Variants in DPH6 observed in about 807,000 individuals in gnomAD.
DPH6 encodes the protein diphthamine biosynthesis 6, also known as diphthine--ammonia ligase.
In DPH6, 33 loss-of-function variants were observed where a neutral mutation model predicts 38.2. The observed-to-expected ratio is 0.86, with a 90% CI of 0.65 to 1.15. The LOEUF is 1.15. Ranked by LOEUF, DPH6 falls within the 50% of genes most tolerant of loss-of-function variation. The probability of loss-of-function intolerance (pLI) is 0.00; values close to 1 mark genes in which losing one functional copy is unlikely to be tolerated. For synonymous variants in DPH6, 108 were observed against 103.0 expected, an observed-to-expected ratio of 1.05 and a Z score of -0.30; for missense variants, 325 against 320.0, an observed-to-expected ratio of 1.02 and a Z score of -0.12.
intron 7 of DPH6, among the ~76,000 whole-genome samples, chr15:35,378,737 A>G (rs2052817302): frequency 6.6e-6 from 1 of 151,460 alleles, no homozygotes; most frequent in Non-Finnish European, 1.5e-5. Flanking sequence ...AGAAAACCAA[A>G]CACTGCATGT....
rs73378741 is a variant in DPH6 at position 35,407,154 on chromosome 15, A to G, written c.567+3681T>C. The stretch of plus-strand genomic sequence containing the variant: ...GTATTGAGAAACTAGAAGATTACAT[A>G]CTATATTAATGTGACAGAATTACCT... On this transcript the variant is annotated intron_variant, in intron 6 of 8. Transcript: ENST00000256538. 5.2e-3 allele frequency among the ~76,000 whole-genome samples: 793 copies of G among 152,158 alleles called. 5 individuals are homozygous for G. The highest frequency in any genetic ancestry group is 0.018 in the African/African-American group (740 of 41,552).
intron 3 of DPH6, among the ~76,000 whole-genome samples, chr15:35,325,287 A>C (rs1264606775): frequency 6.6e-6 from 1 of 152,214 alleles, no homozygotes; most frequent in African/African-American, 2.4e-5. Context: ...ATTCTAATGA[A>C]CAAAGCTGGA....
intron 5 of DPH6, among the ~76,000 whole-genome samples, chr15:35,419,095 A>T (rs897482535): frequency 5.3e-5 from 8 of 151,150 alleles, no homozygotes; most frequent in East Asian, 1.9e-4. Flanking sequence ...ACACACACAC[A>T]CTCTTGAAAT....
intron 3 of DPH6, among the ~76,000 whole-genome samples, chr15:35,290,004 T>C (rs1229490329): frequency 1.3e-5 from 2 of 152,198 alleles, no homozygotes; most frequent in African/African-American, 2.4e-5. Flanking sequence ...GAAATTGTTA[T>C]GCATACTCAA....
the DPH6 span, among the ~76,000 whole-genome samples, chr15:35,175,994 T>G: frequency 6.6e-6 from 1 of 152,364 alleles, no homozygotes; most frequent in Non-Finnish European, 1.5e-5. Context: ...TGTCTGAGGT[T>G]GTTAAATCAG....
At chr15:35,494,509 C>T (rs1189649743) in intron 3 of DPH6, among the ~76,000 whole-genome samples, 1 of 152,080 alleles carries the variant, frequency 6.6e-6, no homozygotes, top group Admixed American at 6.6e-5. Flanking sequence ...TGACTATAAA[C>T]ACCTGGATCT....
intron 3 of DPH6, among the ~76,000 whole-genome samples, chr15:35,523,862 T>C (rs1036680270): frequency 6.6e-6 from 1 of 151,984 alleles, no homozygotes; most frequent in Admixed American, 6.6e-5. Flanking sequence ...CCTCCACCCA[T>C]CCAAATCAAT....
intron 3 of DPH6, among the ~76,000 whole-genome samples, chr15:35,286,062 G>A (rs534664624): frequency 2.6e-5 from 4 of 151,692 alleles, no homozygotes; most frequent in East Asian, 3.9e-4. Flanking sequence ...AAAGCAGAAT[G>A]GAAAACAAAT....
intron 7 of DPH6, among the ~76,000 whole-genome samples, chr15:35,377,109 A>G (rs1468800201): frequency 6.6e-6 from 1 of 152,220 alleles, no homozygotes; most frequent in Non-Finnish European, 1.5e-5. Flanking sequence ...AAATTTAAAT[A>G]AATTCTCAGA....
At chr15:35,539,699 C>G (rs952167419) in intron 2 of DPH6, among the ~76,000 whole-genome samples, 1 of 151,910 alleles carries the variant, frequency 6.6e-6, no homozygotes. Flanking sequence ...TTGACATATA[C>G]CTATGTGTGT....
At chr15:35,517,110 C>A (rs2054858194) in intron 3 of DPH6, among the ~76,000 whole-genome samples, 1 of 151,832 alleles carries the variant, frequency 6.6e-6, no homozygotes, top group Non-Finnish European at 1.5e-5. Context: ...CTGTTTCATT[C>A]AGCAGCAGTA....
At chr15:35,229,547 G>A (rs1366941082) in intron 3 of DPH6, among the ~76,000 whole-genome samples, 2 of 152,032 alleles carry the variant, frequency 1.3e-5, no homozygotes, top group African/African-American at 4.8e-5. Context: ...GATTCCTGGT[G>A]TTTTATTTAG....
chr15:35,270,738 G>C (rs1028473475), intron 3 of DPH6, among the ~76,000 whole-genome samples: 1 of 152,162 alleles, frequency 6.6e-6, no homozygotes, highest in Non-Finnish European at 1.5e-5. Context: ...TTCCTAGAAG[G>C]ATCTAGTCCA....
chr15:35,382,442 A>G (rs957114084), intron 6 of DPH6, among the ~76,000 whole-genome samples: 1 of 138,520 alleles, frequency 7.2e-6, no homozygotes, highest in Admixed American at 7.2e-5. Context: ...AATAAAAACG[A>G]AAAACAAAAC....
the DPH6 span, among the ~76,000 whole-genome samples, chr15:35,183,713 A>C: frequency 6.6e-6 from 1 of 152,236 alleles, no homozygotes; most frequent in South Asian, 2.1e-4. Flanking sequence ...GTAAGGATCA[A>C]AGTGATACAC....
the DPH6 span, among the ~76,000 whole-genome samples, chr15:35,158,453 T>A: frequency 2.0e-5 from 3 of 152,104 alleles, no homozygotes; most frequent in Non-Finnish European, 4.4e-5. Flanking sequence ...AATAAGGTAT[T>A]TTTCTAAACA....
chr15:35,313,269 G>T (rs943496015), intron 3 of DPH6, among the ~76,000 whole-genome samples: 51 of 150,912 alleles, frequency 3.4e-4, no homozygotes, highest in African/African-American at 1.2e-3. Context: ...ATCAGGTAGT[G>T]TAATGTCTCT....
chr15:35,509,457 A>C (rs967015998), intron 3 of DPH6, among the ~76,000 whole-genome samples: 6 of 152,222 alleles, frequency 3.9e-5, no homozygotes, highest in African/African-American at 1.4e-4. Context: ...ACAGCACTGC[A>C]CATTTCTTAA....
chr15:35,522,378 G>T lies in DPH6; in HGVS notation c.312+15896C>A, dbSNP rs1595440599. ...ACCATCTTTCACCACCAGTCAGGCT[G>T]TCTCTGCTTATTCAGTATTAATACA... On this transcript the variant is annotated intron_variant, in intron 3 of 8. Coordinates refer to ENST00000256538, the MANE Select transcript of DPH6 (RefSeq NM_080650.4). 5.8e-6 allele frequency: 7 copies of T among 1,212,400 alleles called. No individual in the cohort carries two copies. In the East Asian group the frequency reaches 1.8e-4, roughly 30 times the overall value. 75.1% of individuals were successfully genotyped at this position (1,212,400 alleles called of 1,614,324 possible).
Sources: allele counts gnomAD v4.1 joint callset (sites outside exome capture counted in the v4.1 genomes callset), GRCh38; gene constraint gnomAD v4.1.1; transcripts MANE v1.5; gene names NCBI Gene and HGNC (gene_info 2026-07-23, HGNC 2026-07-21).